EFCAB13: variants seen among roughly 807,000 people sequenced by gnomAD.
The protein encoded by EFCAB13 is EF-hand calcium-binding domain-containing protein 13.
A neutral mutation model predicts 110.2 loss-of-function variants in EFCAB13; 91 were observed. That is an observed-to-expected ratio of 0.83 (90% CI 0.70 to 0.98). EFCAB13 has a LOEUF of 0.98. EFCAB13 is among the 50% of genes least tolerant of loss of function. The probability of loss-of-function intolerance (pLI) is 0.00; values close to 1 mark genes in which losing one functional copy is unlikely to be tolerated. For missense variants in EFCAB13, 968 were observed against 1,119.4 expected (o/e 0.86, Z 1.93); for synonymous variants, 323 against 369.9 (o/e 0.87, Z 1.45).
chr17:47,361,167 G>A (rs1290247696), intron 9 of EFCAB13, among the ~76,000 whole-genome samples: 1 of 152,074 alleles, frequency 6.6e-6, no homozygotes, highest in East Asian at 1.9e-4. Flanking sequence ...GTTAACATAA[G>A]AATATGAAAT....
At chr17:47,388,047 G>A (rs1012387459) in intron 14 of EFCAB13, among the ~76,000 whole-genome samples, 1 of 152,204 alleles carries the variant, frequency 6.6e-6, no homozygotes, top group African/African-American at 2.4e-5. Flanking sequence ...GTGTGGTACT[G>A]CTGAACAGCC....
intron 23 of EFCAB13, among the ~76,000 whole-genome samples, chr17:47,420,830 A>C (rs1904662861): frequency 6.7e-6 from 1 of 148,370 alleles, no homozygotes; most frequent in Non-Finnish European, 1.5e-5. Flanking sequence ...GTCAGCCCCC[A>C]CCAGGCCAGC....
In EFCAB13 at chr17:47,377,748, T is replaced by C; in HGVS notation, c.1373-18T>C. On this transcript the variant is annotated intron_variant, in intron 12 of 24. Transcript: ENST00000331493. The stretch of plus-strand genomic sequence containing the variant: ...TAAATTCTGTTGCCTAATAGTTCTC[T>C]ACATTTTGTGTATTTAGAAAACTTC... The C allele has an allele frequency of 1.3e-6, 2 of 1,553,730 alleles. No homozygotes were observed. The highest frequency in any genetic ancestry group is 1.2e-5 in the South Asian group (1 of 80,050).
chr17:47,361,286 TTA>T, intron 9 of EFCAB13, 90 bp from the exon 10 acceptor site: 1 of 1,181,150 alleles, frequency 8.5e-7, no homozygotes, highest in Non-Finnish European at 1.2e-6. Context: ...TTATACAAAG[TTA>T]TTTTCCCTTA....
Position 47,440,840 on chromosome 17 carries a change from C to T in EFCAB13, c.*126C>T. ...GACAAATCCAGTAGAATTTTTATCA[C>T]TATCTGTTATGTTCTCATGTATCTT... On this transcript the variant is annotated 3_prime_UTR_variant, in exon 25 of 25. Transcript: ENST00000331493. 1.3e-6 allele frequency: 1 copy of T among 754,304 alleles called. No homozygotes were observed. Among genetic ancestry groups the T allele is most frequent in the Middle Eastern group, 4.1e-4 (1 of 2,468 alleles). The allele number at this position is 754,304 out of a possible 1,614,324, so 46.7% of individuals were successfully genotyped here.
rs544361936 is a variant in EFCAB13, at chr17:47,338,092, C to G, written c.191+2736C>G. Among the ~76,000 whole-genome samples, 19 of 152,000 alleles carry G rather than the reference C, an allele frequency of 1.3e-4. No individual in the cohort carries two copies. The South Asian group carries it at 4.0e-3, about 32-fold the overall frequency. On this transcript the variant is annotated intron_variant, in intron 5 of 24. Transcript: ENST00000331493. ...TGAAAAAAGATGAAAGATCAAAAGTCATGTAATGGAGTGGAAGTCATGATT... is the reference window on the plus strand; with the variant it reads ...TGAAAAAAGATGAAAGATCAAAAGTGATGTAATGGAGTGGAAGTCATGATT...
chr17:47,434,295 A>G (rs916958139), intron 24 of EFCAB13, among the ~76,000 whole-genome samples: 1 of 151,624 alleles, frequency 6.6e-6, no homozygotes, highest in African/African-American at 2.4e-5. Context: ...CAAGAACTCA[A>G]TCCCCTTCAC....
intron 5 of EFCAB13, among the ~76,000 whole-genome samples, chr17:47,338,876 T>C (rs1453796613): frequency 6.6e-6 from 1 of 151,028 alleles, no homozygotes; most frequent in Non-Finnish European, 1.5e-5. Flanking sequence ...AGATACTTTT[T>C]CTTGGAGAAA....
At chr17:47,417,438 T>G (rs1239789423) in intron 23 of EFCAB13, among the ~76,000 whole-genome samples, 1 of 152,242 alleles carries the variant, frequency 6.6e-6, no homozygotes, top group Non-Finnish European at 1.5e-5. Flanking sequence ...TCCATATCAT[T>G]GAAGGGTCCA....
intron 14 of EFCAB13, among the ~76,000 whole-genome samples, chr17:47,391,022 C>T (rs2065704606): frequency 6.6e-6 from 1 of 152,106 alleles, no homozygotes; most frequent in Admixed American, 6.5e-5. Flanking sequence ...TCACCTCAGC[C>T]TTCATCTTCT....
At chr17:47,420,057 C>T (rs535821265) in intron 23 of EFCAB13, among the ~76,000 whole-genome samples, 20 of 152,254 alleles carry the variant, frequency 1.3e-4, no homozygotes, top group African/African-American at 4.6e-4. Flanking sequence ...GCCTGATTCT[C>T]CTGCCTCAGC....
chr17:47,379,562 T>G (rs1401452568), intron 14 of EFCAB13, among the ~76,000 whole-genome samples: 2 of 148,316 alleles, frequency 1.3e-5, no homozygotes, highest in Non-Finnish European at 3.0e-5. Context: ...TGATATGGTT[T>G]GTTTTTTTTT....
intron 5 of EFCAB13, among the ~76,000 whole-genome samples, chr17:47,339,504 G>A (rs536923027): frequency 2.0e-4 from 31 of 152,092 alleles, no homozygotes; most frequent in Admixed American, 6.5e-4. Context: ...ATCTAATGCC[G>A]CTGCTGATCT....
Position 47,332,357 on chromosome 17 carries a change from T to C in EFCAB13, c.31-2839T>C, listed in dbSNP as rs775408480. 5.5e-4 allele frequency among the ~76,000 whole-genome samples: 84 copies of C among 152,182 alleles called. 2 individuals carry two copies. The highest frequency in any genetic ancestry group is 1.5e-4 in the Non-Finnish European group (10 of 68,024). ...GTAGTATTTTGATCTATGTATACAT[T>C]ATAGAAATATTTAATCTAGCTATTA... On this transcript the variant is annotated intron_variant, in intron 4 of 24. Transcript: ENST00000331493.
chr17:47,420,869 T>G (rs1189595701), intron 23 of EFCAB13, among the ~76,000 whole-genome samples: 12 of 17,102 alleles, frequency 7.0e-4, no homozygotes, highest in South Asian at 5.2e-3. Flanking sequence ...GGTGGGGGGG[T>G]CAGCCCCCCG....
rs996383187 is a variant in EFCAB13 at position 47,440,566 on chromosome 17, T to C, written c.2774T>C (p.Leu925Ser). The C allele has an allele frequency of 1.2e-6, 2 of 1,613,298 alleles. No individual in the cohort carries two copies. Among genetic ancestry groups the C allele is most frequent in the Non-Finnish European group, 1.7e-6 (2 of 1,179,618 alleles). ...DLERQAVVYMLKTIQDSIVKA... is the reference protein window; with the variant it reads ...DLERQAVVYMSKTIQDSIVKA... ...GAAAGGCAAGCAGTGGTTTACATGT[T>C]AAAAACAATACAGGATTCGATAGTT... Residue 925 changes from leucine to serine, a missense_variant, in exon 25 of 25, where the codon TTA (leucine) becomes TCA (serine). By Grantham distance (145) the Leu-to-Ser change is moderately radical (BLOSUM62 -2). Coordinates refer to ENST00000331493, the MANE Select transcript of EFCAB13 (RefSeq NM_152347.5).
intron 9 of EFCAB13, among the ~76,000 whole-genome samples, chr17:47,349,058 A>T (rs1381466324): frequency 6.6e-6 from 1 of 152,188 alleles, no homozygotes. Context: ...ACTGTTTTTG[A>T]AAGAAAGGAG....
chr17:47,326,896 TAAA>T (rs1470503357), intron 3 of EFCAB13, among the ~76,000 whole-genome samples: 1 of 152,104 alleles, frequency 6.6e-6, no homozygotes, highest in Non-Finnish European at 1.5e-5. Context: ...CAGAAATAAA[TAAA>T]AATGATTTTA....
chr17:47,351,411 A>C (rs941034055), intron 9 of EFCAB13, among the ~76,000 whole-genome samples: 3 of 152,068 alleles, frequency 2.0e-5, no homozygotes, highest in Non-Finnish European at 2.9e-5. Flanking sequence ...GCTGTGATAA[A>C]CATATGAGTG....
Sources: gnomAD v4.1 joint callset for allele counts (sites outside exome capture counted in the v4.1 genomes callset) on GRCh38, gnomAD v4.1.1 for gene constraint, MANE v1.5 for transcripts, NCBI Gene and HGNC (gene_info 2026-07-23, HGNC 2026-07-21) for gene names.